The following VAV2 variants were observed in gnomAD, a reference collection of about 807,000 sequenced individuals.
The protein encoded by VAV2 is guanine nucleotide exchange factor VAV2.
A neutral mutation model predicts 132.5 loss-of-function variants in VAV2; 67 were observed. That is an observed-to-expected ratio of 0.51 (90% CI 0.42 to 0.62). The LOEUF (loss-of-function observed/expected upper bound fraction) is 0.62, where lower values mean the gene tolerates loss of function less well. VAV2 is among the 20% of genes least tolerant of loss of function. The pLI is 0.00. For synonymous variants in VAV2, 492 were observed against 443.5 expected (o/e 1.11, Z -1.37); for missense variants, 938 against 1,153.6 (o/e 0.81, Z 2.71).
chr9:133,833,196 T>A lies in VAV2; in HGVS notation c.449+1076A>T, dbSNP rs914170031. Among the ~76,000 whole-genome samples the A allele has an allele frequency of 6.6e-6, 1 of 152,118 alleles. No homozygotes were observed. The highest frequency in any genetic ancestry group is 1.9e-4 in the East Asian group (1 of 5,168). On this transcript the variant is annotated intron_variant, in intron 4 of 29. Transcript: ENST00000371850. The surrounding 1 kb of genome is among the most constrained non-coding windows in gnomAD (Gnocchi z 5.6). ...TGCCACATGCTGATATGGGGATGACTTGAATTGTGTATATACACAGGGATC... is the reference window on the plus strand; with the variant it reads ...TGCCACATGCTGATATGGGGATGACATGAATTGTGTATATACACAGGGATC...
chr9:133,809,117 C>G lies in VAV2; in HGVS notation c.589G>C (p.Asp197His). The G allele has an allele frequency of 1.2e-6, 2 of 1,613,962 alleles. No individual in the cohort carries two copies. Among genetic ancestry groups the G allele is most frequent in the Non-Finnish European group, 1.7e-6 (2 of 1,179,942 alleles). The change falls in exon 7 of 30, where the codon GAC becomes CAC. Residue 197 changes from aspartate to histidine, a missense_variant. By Grantham distance (81) the Asp-to-His change is moderately conservative. Transcript: ENST00000371850. ...TCCAGCAGGCAGCAGTTCCTCTTGT[C>G]ATCTTCAGTCATGCCCATTTTCTAG... ...YMQKMGMTED[D>H]KRNCCLLEIQ... is the part of the protein sequence containing the mutation.
In VAV2 at chr9:133,763,383, C is replaced by CATG; in HGVS notation, c.*678_*679insCAT. The CATG allele has an allele frequency of 6.6e-6, 1 of 152,372 alleles. No individual in the cohort carries two copies. The highest frequency in any genetic ancestry group is 6.5e-5 in the Admixed American group (1 of 15,306). The allele number at this position is 152,372 out of a possible 1,614,324, so 9.4% of individuals were successfully genotyped here. A position where few individuals can be genotyped will look rare whatever the true frequency, so the allele number is the denominator to read the frequency against. ...GAATTTCATCATTCCAAAGGCCCCTCCCAAGAGAGGGGCCTGCCGTGTGGG... is the reference window on the plus strand; with the variant it reads ...GAATTTCATCATTCCAAAGGCCCCTCATGCCAAGAGAGGGGCCTGCCGTGTGGG... On this transcript the variant is annotated 3_prime_UTR_variant, in exon 30 of 30. Coordinates refer to ENST00000371850, the MANE Select transcript of VAV2 (RefSeq NM_001134398.2). The surrounding 1 kb of genome is among the most constrained non-coding windows in gnomAD (Gnocchi z 6.8).
rs761512403 is a variant in VAV2, at chr9:133,778,746, G to A, written c.1890+16C>T. On this transcript the variant is annotated intron_variant, in intron 22 of 29. Coordinates refer to ENST00000371850, the MANE Select transcript of VAV2 (RefSeq NM_001134398.2). ...GGAGCCGGGGACCCTCGACCCTCCCGGGCCCCAGGACCCACCTCCCACCAC... is the reference window on the plus strand; with the variant it reads ...GGAGCCGGGGACCCTCGACCCTCCCAGGCCCCAGGACCCACCTCCCACCAC... 1.6e-5 allele frequency: 25 copies of A among 1,611,002 alleles called. No homozygotes were observed. The highest frequency in any genetic ancestry group is 2.2e-5 in the East Asian group (1 of 44,860).
intron 2 of VAV2, among the ~76,000 whole-genome samples, chr9:133,931,480 T>TCCC (rs1840686867): frequency 2.4e-5 from 1 of 42,140 alleles, no homozygotes; most frequent in Admixed American, 2.1e-4. Flanking sequence ...TCTCCCCTCC[T>TCCC]TTCTTCCCTC....
intron 9 of VAV2, among the ~76,000 whole-genome samples, chr9:133,801,949 CAG>C (rs1336626042): frequency 6.6e-6 from 1 of 152,144 alleles, no homozygotes; most frequent in African/African-American, 2.4e-5. Context: ...GCCTCCAGAA[CAG>C]AGACATCTCT....
At chr9:133,842,102 G>T (rs925355003) in intron 3 of VAV2, among the ~76,000 whole-genome samples, 1 of 152,234 alleles carries the variant, frequency 6.6e-6, no homozygotes, top group Non-Finnish European at 1.5e-5. Context: ...GATTGCAGAA[G>T]GTACAGAAAT....
intron 2 of VAV2, among the ~76,000 whole-genome samples, chr9:133,899,997 G>C (rs1839373682): frequency 6.7e-6 from 1 of 149,368 alleles, no homozygotes. Flanking sequence ...CTCCAGCCTG[G>C]GCGACAGAGC....
chr9:133,783,606 G>A lies in VAV2; in HGVS notation c.1635-15C>T, dbSNP rs369834651. 1.2e-6 allele frequency: 2 copies of A among 1,613,534 alleles called. No individual in the cohort carries two copies. Among genetic ancestry groups the A allele is most frequent in the South Asian group, 1.1e-5 (1 of 91,078 alleles). On this transcript the variant is annotated splice_polypyrimidine_tract_variant and intron_variant, in intron 18 of 29. Coordinates refer to ENST00000371850, the MANE Select transcript of VAV2 (RefSeq NM_001134398.2). ...AGAAGGTGCCCCTGCACAGGGGAGG[G>A]CAGGAGGTGAGGTCGAGGCTGGGGT...
At chr9:133,958,075 G>A (rs570922756) in intron 1 of VAV2, among the ~76,000 whole-genome samples, 12 of 143,306 alleles carry the variant, frequency 8.4e-5, no homozygotes, top group East Asian at 4.1e-4. Flanking sequence ...GCGGAAGGCC[G>A]CAGGGACCTC....
chr9:133,829,446 T>C (rs1163432454), intron 4 of VAV2, among the ~76,000 whole-genome samples: 1 of 152,234 alleles, frequency 6.6e-6, no homozygotes, highest in Non-Finnish European at 1.5e-5. Flanking sequence ...ACAGAGCCAC[T>C]GGCCACGTGT....
At position 133,807,315 on chromosome 9, in the gene VAV2, G is replaced by A; in HGVS notation, c.678C>T (p.Ser226=). The A allele has an allele frequency of 1.2e-6, 2 of 1,610,464 alleles. No individual in the cohort carries two copies. Among genetic ancestry groups the A allele is most frequent in the South Asian group, 1.1e-5 (1 of 90,194 alleles). ...CCGGGCTCAGCACCAGCCGCAGGGG[G>A]CTCATGTAGTTCTGGAAGAGAGAAG... The part of the protein sequence containing the change: ...TLEDIEKNYM[S]PLRLVLSPAD... Residue 226 remains serine (S), a synonymous_variant, in exon 8 of 30, where the codon AGC becomes AGT. Coordinates refer to ENST00000371850, the MANE Select transcript of VAV2 (RefSeq NM_001134398.2).
chr9:133,801,955 C>T (rs539938461), intron 9 of VAV2, among the ~76,000 whole-genome samples: 1 of 152,208 alleles, frequency 6.6e-6, no homozygotes, highest in South Asian at 2.1e-4. Context: ...AGAACAGAGA[C>T]ATCTCTGTTG....
chr9:133,989,802 G>C (rs1842961534), intron 1 of VAV2, among the ~76,000 whole-genome samples: 1 of 152,244 alleles, frequency 6.6e-6, no homozygotes, highest in East Asian at 1.9e-4. Flanking sequence ...TCTCCACGTT[G>C]AATGAACAGG....
intron 2 of VAV2, among the ~76,000 whole-genome samples, chr9:133,878,038 C>T (rs1838333055): frequency 6.6e-6 from 1 of 152,194 alleles, no homozygotes; most frequent in Non-Finnish European, 1.5e-5. Flanking sequence ...CACTATTTCT[C>T]CCCTAGGCTG....
chr9:133,819,086 G>C (rs889732212), intron 4 of VAV2, among the ~76,000 whole-genome samples: 8 of 151,930 alleles, frequency 5.3e-5, no homozygotes, highest in African/African-American at 1.9e-4. Context: ...TGACTACGAG[G>C]AACATTCCTT....
rs961725817 is a variant in VAV2, at chr9:133,961,224, T to G, written c.205-22005A>C. Reference sequence around the variant, plus strand: ...TCCAACAGAATAGTCAACCTTTTGATCTCAGAGGAGTGTCCATTAAGAGTA... The same window carrying G: ...TCCAACAGAATAGTCAACCTTTTGAGCTCAGAGGAGTGTCCATTAAGAGTA... On this transcript the variant is annotated intron_variant, in intron 1 of 29. Transcript: ENST00000371850. The surrounding 1 kb of genome is among the most constrained non-coding windows in gnomAD (Gnocchi z 4.1). Among the ~76,000 whole-genome samples the G allele has an allele frequency of 6.6e-6, 1 of 152,154 alleles. No homozygotes were observed. Among genetic ancestry groups the G allele is most frequent in the African/African-American group, 2.4e-5 (1 of 41,432 alleles).
intron 1 of VAV2, among the ~76,000 whole-genome samples, chr9:133,946,872 C>T (rs1841378340): frequency 6.6e-6 from 1 of 152,186 alleles, no homozygotes; most frequent in African/African-American, 2.4e-5. Context: ...CCCTGGGTGA[C>T]AGGCTGGCCA....
chr9:133,854,157 A>C (rs1412810164), intron 3 of VAV2, among the ~76,000 whole-genome samples: 3 of 147,918 alleles, frequency 2.0e-5, no homozygotes, highest in Non-Finnish European at 4.5e-5. Context: ...GCACACACAC[A>C]TCTGCATATG....
intron 2 of VAV2, among the ~76,000 whole-genome samples, chr9:133,938,369 A>C (rs867185929): frequency 6.6e-6 from 1 of 152,274 alleles, no homozygotes; most frequent in Middle Eastern, 3.4e-3. Flanking sequence ...GTAACCGTGG[A>C]GCTGCTGGGC....
Sources: gnomAD v4.1 joint callset for allele counts (sites outside exome capture counted in the v4.1 genomes callset) on GRCh38, gnomAD v4.1.1 for gene constraint, Gnocchi (gnomAD v3.1) non-coding constraint, MANE v1.5 for transcripts, NCBI Gene and HGNC (gene_info 2026-07-23, HGNC 2026-07-21) for gene names.